The following ITIH2 variants were observed in gnomAD, a reference collection of about 807,000 sequenced individuals.
ITIH2 encodes inter-alpha-trypsin inhibitor heavy chain 2.
ITIH2 carries 103 observed loss-of-function variants against 104.4 expected under a neutral mutation model. The observed-to-expected ratio is 0.99, with a 90% CI of 0.84 to 1.16. The LOEUF is 1.16. Ranked by LOEUF, ITIH2 falls within the 50% of genes most tolerant of loss-of-function variation. ITIH2 has a pLI of 0.00. For missense variants in ITIH2, 1,108 were observed against 1,162.4 expected, an observed-to-expected ratio of 0.95 and a Z score of 0.68; for synonymous variants, 436 against 435.4, an observed-to-expected ratio of 1.00 and a Z score of -0.02.
At chr10:7,737,686 T>TAATATTA (rs1324046440) in intron 15 of ITIH2, among the ~76,000 whole-genome samples, 1 of 16,606 alleles carries the variant, frequency 6.0e-5, no homozygotes, top group Non-Finnish European at 1.1e-4. Context: ...ATTTTCTATA[T>TAATATTA]TATATTCTAT....
chr10:7,744,338 A>G (rs1363825674), intron 18 of ITIH2, 58 bp downstream of exon 18: 6 of 1,341,446 alleles, frequency 4.5e-6, no homozygotes, highest in Non-Finnish European at 6.3e-6. Context: ...GCATAAATAA[A>G]TCCAGGCATC....
Position 7,727,694 on chromosome 10 carries a change from C to G in ITIH2, c.1154-9C>G. On this transcript the variant is annotated splice_polypyrimidine_tract_variant and intron_variant, in intron 10 of 20. Transcript: ENST00000358415. The stretch of plus-strand genomic sequence containing the variant: ...GCATACCCAACGTTTCATTATGCTA[C>G]TTCAACAGGCACAAACATCAACGAA... 1 of 1,613,890 alleles carries G rather than the reference C, an allele frequency of 6.2e-7. No homozygotes were observed. Among genetic ancestry groups the G allele is most frequent in the Non-Finnish European group, 8.5e-7 (1 of 1,179,850 alleles).
intron 6 of ITIH2, 136 bp downstream of exon 6, chr10:7,717,924 A>G (rs1417116201): frequency 1.2e-6 from 1 of 836,200 alleles, no homozygotes; most frequent in East Asian, 2.5e-5. Context: ...GATGTATTGA[A>G]AAGATGGTGG....
intron 4 of ITIH2, among the ~76,000 whole-genome samples, chr10:7,710,374 G>A (rs1304175024): frequency 1.3e-5 from 2 of 152,192 alleles, no homozygotes; most frequent in Non-Finnish European, 2.9e-5. Flanking sequence ...GAGCCTTCAT[G>A]TATCAAAGTT....
At chr10:7,742,562 G>A (rs1835137123) in intron 16 of ITIH2, among the ~76,000 whole-genome samples, 1 of 152,176 alleles carries the variant, frequency 6.6e-6, no homozygotes, top group South Asian at 2.1e-4. Context: ...GAAACAAAGT[G>A]AGACCCCCCA....
intron 20 of ITIH2, among the ~76,000 whole-genome samples, chr10:7,748,817 A>G (rs1588463714): frequency 6.6e-6 from 1 of 152,036 alleles, no homozygotes; most frequent in South Asian, 2.1e-4. Context: ...AAGCGCTGAG[A>G]TTACAGGCGT....
Position 7,743,252 on chromosome 10 carries a change from A to T in ITIH2, c.2202A>T (p.Pro734=). The T allele has an allele frequency of 6.6e-7, 1 of 1,506,740 alleles. No individual in the cohort carries two copies. The highest frequency in any genetic ancestry group is 9.1e-7 in the Non-Finnish European group (1 of 1,095,334). The allele number at this position is 1,506,740 out of a possible 1,614,324, so 93.3% of individuals were successfully genotyped here. A position where few individuals can be genotyped will look rare whatever the true frequency, so the allele number is the denominator to read the frequency against. Residue 734 remains proline (P), a synonymous_variant, in exon 17 of 21, where the codon CCA becomes CCT. Coordinates refer to ENST00000358415, the MANE Select transcript of ITIH2 (RefSeq NM_002216.3). The part of the protein sequence containing the change: ...PGKILNLVSD[P]ESGIVVNGQL... Reference sequence around the variant, plus strand: ...AAATCCTCAACCTGGTTTCTGACCCAGAATCAGGTAAAATAAAAATAAATT... The same window carrying T: ...AAATCCTCAACCTGGTTTCTGACCCTGAATCAGGTAAAATAAAAATAAATT...
chr10:7,718,525 TA>T (rs1013831795), intron 6 of ITIH2, among the ~76,000 whole-genome samples: 1 of 151,412 alleles, frequency 6.6e-6, no homozygotes, highest in Non-Finnish European at 1.5e-5. Flanking sequence ...GTTTCTCAGT[TA>T]TTTTTTTTTT....
intron 17 of ITIH2, among the ~76,000 whole-genome samples, chr10:7,743,810 T>C (rs1404658051): frequency 6.6e-6 from 1 of 152,012 alleles, no homozygotes; most frequent in East Asian, 1.9e-4. Flanking sequence ...TTAAATACTA[T>C]ATGATAGTCA....
intron 5 of ITIH2, 70 bp from the exon 6 acceptor site, chr10:7,717,556 C>T: frequency 1.4e-6 from 2 of 1,455,744 alleles, no homozygotes; most frequent in East Asian, 4.6e-5. Flanking sequence ...TACATGCCCT[C>T]TGCCTAGATT....
Position 7,749,406 on chromosome 10 carries a change from G to A in ITIH2, c.*72G>A. On this transcript the variant is annotated 3_prime_UTR_variant, in exon 21 of 21. Transcript: ENST00000358415. Reference sequence around the variant, plus strand: ...CTGTCACTTTTGCAGATATTCTTCGGTTTGAATAATTAAAATGAACCAGAT... The same window carrying A: ...CTGTCACTTTTGCAGATATTCTTCGATTTGAATAATTAAAATGAACCAGAT... 7.6e-7 allele frequency: 1 copy of A among 1,313,050 alleles called. No homozygotes were observed. The highest frequency in any genetic ancestry group is 1.1e-6 in the Non-Finnish European group (1 of 942,934). 81.3% of individuals were successfully genotyped at this position (1,313,050 alleles called of 1,614,324 possible).
At chr10:7,709,250 C>T (rs1318063731) in intron 4 of ITIH2, 59 bp downstream of exon 4, 3 of 1,485,508 alleles carry the variant, frequency 2.0e-6, no homozygotes, top group Non-Finnish European at 2.8e-6. Flanking sequence ...GAATCAAAAC[C>T]CCTCATAGTT....
intron 4 of ITIH2, among the ~76,000 whole-genome samples, chr10:7,711,411 CTATA>C (rs1385938720): frequency 1.9e-4 from 29 of 152,308 alleles, no homozygotes; most frequent in African/African-American, 6.7e-4. Context: ...TGAGCTGAAT[CTATA>C]AGACCAGAGA....
Position 7,721,738 on chromosome 10 carries a change from G to T in ITIH2, c.828G>T (p.Leu276=). The T allele has an allele frequency of 1.2e-6, 2 of 1,614,094 alleles. No homozygotes were observed. The highest frequency in any genetic ancestry group is 8.5e-7 in the Non-Finnish European group (1 of 1,180,004). Residue 276 remains leucine (L), a synonymous_variant, in exon 8 of 21, where the codon CTG becomes CTT. Coordinates refer to ENST00000358415, the MANE Select transcript of ITIH2 (RefSeq NM_002216.3). ...CGGTAGATGGGGAACTGGTGGTGCTGTATGACGTGAAAAGAGAAGAGAAGG... is the reference window on the plus strand; with the variant it reads ...CGGTAGATGGGGAACTGGTGGTGCTTTATGACGTGAAAAGAGAAGAGAAGG... ...ETAVDGELVV[L]YDVKREEKAG... is the part of the protein sequence containing the mutation.
intron 4 of ITIH2, among the ~76,000 whole-genome samples, chr10:7,710,593 G>A (rs1406844336): frequency 1.3e-5 from 2 of 152,106 alleles, no homozygotes; most frequent in Non-Finnish European, 2.9e-5. Context: ...ATACACCAAG[G>A]TAATCAGTGA....
In ITIH2 at chr10:7,731,990, G is replaced by C. The variant is rs536759001; in HGVS notation, c.1641G>C (p.Ala547=). 6.2e-7 allele frequency: 1 copy of C among 1,612,060 alleles called. No individual in the cohort carries two copies. The highest frequency in any genetic ancestry group is 1.3e-5 in the African/African-American group (1 of 74,852). The stretch of plus-strand genomic sequence containing the variant: ...ATCAAATAGAGAGCGTTATCACGGC[G>C]ACTTCGGTACTTCCACTTATCCATT... ...KLDQIESVIT[A]TSANTQLVLE... Residue 547 remains alanine (A), a synonymous_variant, in exon 13 of 21, where the codon GCG becomes GCC. Transcript: ENST00000358415.
In ITIH2 at chr10:7,731,531, C is replaced by T. The variant is rs1835002749; in HGVS notation, c.1462-280C>T. 3.3e-5 allele frequency among the ~76,000 whole-genome samples: 5 copies of T among 152,008 alleles called. No homozygotes were observed. The South Asian group carries it at 1.0e-3, about 32-fold the overall frequency. ...TCACAAGACAGAAGTTCAAGACCAG[C>T]CTGGCCAAGATGGTGAAAACCCGTC... On this transcript the variant is annotated intron_variant, in intron 12 of 20. Coordinates refer to ENST00000358415, the MANE Select transcript of ITIH2 (RefSeq NM_002216.3).
chr10:7,729,305 T>A (rs1332922814), intron 11 of ITIH2, among the ~76,000 whole-genome samples: 1 of 151,846 alleles, frequency 6.6e-6, no homozygotes, highest in African/African-American at 2.4e-5. Context: ...AAAGTGAGAC[T>A]CTGTCTCAAA....
At chr10:7,712,974 G>T (rs1285515839) in intron 4 of ITIH2, among the ~76,000 whole-genome samples, 1 of 152,060 alleles carries the variant, frequency 6.6e-6, no homozygotes, top group Non-Finnish European at 1.5e-5. Context: ...CAAAAAATTA[G>T]CCTGGCCTGG....
Sources: allele counts gnomAD v4.1 joint callset (sites outside exome capture counted in the v4.1 genomes callset), GRCh38; gene constraint gnomAD v4.1.1; transcripts MANE v1.5; gene names NCBI Gene and HGNC (gene_info 2026-07-23, HGNC 2026-07-21).